The following NDNF variants were observed in gnomAD, a reference collection of about 807,000 sequenced individuals.
NDNF encodes neuron derived neurotrophic factor.
In NDNF, 16 loss-of-function variants were observed where a neutral mutation model predicts 42.0. The ratio of observed to expected loss-of-function variants is 0.38; its 90% CI spans 0.26 to 0.58. The LOEUF is 0.58. Among genes scored for constraint, NDNF ranks in the 20% least tolerant of loss-of-function variants. NDNF has a pLI of 0.67. For synonymous variants in NDNF, 248 were observed against 251.7 expected, an observed-to-expected ratio of 0.99 and a Z score of 0.14; for missense variants, 616 against 666.2, an observed-to-expected ratio of 0.92 and a Z score of 0.83.
chr4:121,036,581 AG>A lies in NDNF; in HGVS notation c.1389del (p.Ser464GlnfsTer7), dbSNP rs760015105. 3.1e-6 allele frequency: 5 copies of A among 1,614,126 alleles called. No homozygotes were observed. Among genetic ancestry groups the A allele is most frequent in the African/African-American group, 1.3e-5 (1 of 75,048 alleles). On this transcript the variant is annotated frameshift_variant, in exon 4 of 4. Transcript: ENST00000379692. LOFTEE classifies it high-confidence loss of function. ...IKAFDKLRTC[S>X]SATVAWLGTQ... The stretch of plus-strand genomic sequence containing the variant: ...GTGCCTAGCCAAGCCACGGTGGCTG[AG>A]GAACAGGTACGGAGCTTGTCAAAGG...
chr4:121,071,510 C>CT (rs1234806235), intron 1 of NDNF: 1 of 152,062 alleles, frequency 6.6e-6, no homozygotes, highest in East Asian at 2.0e-4. Flanking sequence ...GTCCCGCAGA[C>CT]TTTCCCTAGC....
At position 121,036,758 on chromosome 4, in the gene NDNF, G is replaced by T; in HGVS notation, c.1213C>A (p.Gln405Lys). The T allele has an allele frequency of 6.2e-7, 1 of 1,614,126 alleles. No homozygotes were observed. Among genetic ancestry groups the T allele is most frequent in the South Asian group, 1.1e-5 (1 of 91,078 alleles). Reference protein sequence around the residue: ...LLLSQNVEGIQQFQLRGKPKA... With the variant: ...LLLSQNVEGIKQFQLRGKPKA... The stretch of plus-strand genomic sequence containing the variant: ...GGTTTTCCTCTAAGCTGAAACTGCT[G>T]AATGCCTTCCACATTCTGAGACAGA... Residue 405 changes from glutamine to lysine, a missense_variant, in exon 4 of 4, where the codon CAG becomes AAG. Transcript: ENST00000379692.
chr4:121,069,765 A>C (rs1727558554), intron 1 of NDNF, among the ~76,000 whole-genome samples: 1 of 152,240 alleles, frequency 6.6e-6, no homozygotes, highest in South Asian at 2.1e-4. Context: ...GAATTTTTAG[A>C]GAAATCTGAA....
chr4:121,070,292 C>T (rs1464761319), intron 1 of NDNF, among the ~76,000 whole-genome samples: 1 of 152,196 alleles, frequency 6.6e-6, no homozygotes, highest in Non-Finnish European at 1.5e-5. Flanking sequence ...CTCTCGGATC[C>T]ATCCATCACT....
rs1399104065 is a variant in NDNF, at chr4:121,041,679, G to T, written c.189-1625C>A. Among the ~76,000 whole-genome samples the T allele has an allele frequency of 3.3e-5, 5 of 152,172 alleles. No individual in the cohort carries two copies. In the East Asian group the frequency reaches 9.6e-4, roughly 29 times the overall value. On this transcript the variant is annotated intron_variant, in intron 2 of 3. Coordinates refer to ENST00000379692, the MANE Select transcript of NDNF (RefSeq NM_024574.4). ...AGTTTTAAGGAATGATTCGGAGGTG[G>T]TGAAAGTGGAGGTATGGGAAACTAC...
chr4:121,069,932 G>T (rs1024608338), intron 1 of NDNF, among the ~76,000 whole-genome samples: 1 of 152,118 alleles, frequency 6.6e-6, no homozygotes. Flanking sequence ...TGGGAATTGG[G>T]ACCATAATTA....
chr4:121,064,869 C>A (rs141897363), intron 1 of NDNF, among the ~76,000 whole-genome samples: 1 of 152,180 alleles, frequency 6.6e-6, no homozygotes, highest in Admixed American at 6.5e-5. Flanking sequence ...CATTTCAAAT[C>A]TTTTTCTGGT....
chr4:121,042,129 T>C (rs1307036994), intron 2 of NDNF, among the ~76,000 whole-genome samples: 2 of 152,244 alleles, frequency 1.3e-5, no homozygotes, highest in Non-Finnish European at 2.9e-5. Context: ...TTGATTAATG[T>C]CATTTTCCTC....
At position 121,037,804 on chromosome 4, in the gene NDNF, ATATT is replaced by A. The variant is rs1294619797; in HGVS notation, c.314-151_314-148del. 8.6e-6 allele frequency: 5 copies of A among 579,590 alleles called. No individual in the cohort carries two copies. In the East Asian group the frequency reaches 1.4e-4, roughly 17 times the overall value. The allele number at this position is 579,590 out of a possible 1,614,324, so 35.9% of individuals were successfully genotyped here. A position where few individuals can be genotyped will look rare whatever the true frequency, so the allele number is the denominator to read the frequency against. The stretch of plus-strand genomic sequence containing the variant: ...AATATTTATAAATGTATTCAAGATA[ATATT>A]TATTTTGACCATTATACATAATGTT... On this transcript the variant is annotated intron_variant, in intron 3 of 3. Coordinates refer to ENST00000379692, the MANE Select transcript of NDNF (RefSeq NM_024574.4).
At chr4:121,067,709 A>G (rs575672282) in intron 1 of NDNF, among the ~76,000 whole-genome samples, 2 of 152,336 alleles carry the variant, frequency 1.3e-5, no homozygotes, top group East Asian at 3.9e-4. Context: ...TTTATACCAC[A>G]TTGATCAAAT....
intron 1 of NDNF, among the ~76,000 whole-genome samples, chr4:121,055,040 C>T (rs1201073475): frequency 6.6e-6 from 1 of 151,964 alleles, no homozygotes; most frequent in African/African-American, 2.4e-5. Flanking sequence ...TGCCACGTTG[C>T]CCAGGTTGGT....
At chr4:121,057,605 C>G (rs1002701602) in intron 1 of NDNF, among the ~76,000 whole-genome samples, 1 of 152,196 alleles carries the variant, frequency 6.6e-6, no homozygotes, top group African/African-American at 2.4e-5. Context: ...TAGAGGCTCT[C>G]CGGCTCGCCC....
chr4:121,070,511 G>A (rs1193176381), intron 1 of NDNF, among the ~76,000 whole-genome samples: 4 of 152,102 alleles, frequency 2.6e-5, no homozygotes, highest in Admixed American at 2.0e-4. Context: ...AGGAGAGGAG[G>A]AGGTGCGGAG....
At chr4:121,037,792 G>T (rs895338622) in intron 3 of NDNF, 135 bp from the exon 4 acceptor site, 23 of 591,942 alleles carry the variant, frequency 3.9e-5, no homozygotes, top group Non-Finnish European at 6.0e-5. Context: ...ATTTATAAAT[G>T]TATTCAAGAT....
intron 1 of NDNF, among the ~76,000 whole-genome samples, chr4:121,057,278 G>T (rs572565289): frequency 6.6e-6 from 1 of 152,264 alleles, no homozygotes. Context: ...TTCAGCAAGG[G>T]CTCACGTGAA....
intron 1 of NDNF, among the ~76,000 whole-genome samples, chr4:121,049,122 G>C (rs1412525429): frequency 6.6e-6 from 1 of 152,152 alleles, no homozygotes; most frequent in Non-Finnish European, 1.5e-5. Flanking sequence ...CTCCAGTTCA[G>C]CTACTTAACA....
Position 121,037,215 on chromosome 4 carries a change from A to C in NDNF, c.756T>G (p.Phe252Leu), listed in dbSNP as rs762545868. The C allele has an allele frequency of 1.1e-5, 17 of 1,613,952 alleles. No individual in the cohort carries two copies. The South Asian group carries it at 1.9e-4, about 18-fold the overall frequency. The part of the protein sequence containing the change: ...KPGLDFSPFD[F>L]AHFGFPSDNS... ...TATCAGAAGGAAATCCAAAGTGGGC[A>C]AAGTCAAAGGGGCTGAAGTCCAGAC... is the stretch of plus-strand genomic sequence containing the variant. Residue 252 changes from phenylalanine to leucine, a missense_variant, in exon 4 of 4, where the codon TTT (phenylalanine) becomes TTG (leucine). Transcript: ENST00000379692.
intron 2 of NDNF, among the ~76,000 whole-genome samples, chr4:121,041,515 T>C (rs1342823643): frequency 1.3e-5 from 2 of 152,204 alleles, no homozygotes; most frequent in African/African-American, 4.8e-5. Flanking sequence ...TTTCTACCTA[T>C]GCTCACTCCC....
chr4:121,037,145 G>A lies in NDNF; in HGVS notation c.826C>T (p.Leu276=). Residue 276 remains leucine (L), a synonymous_variant, in exon 4 of 4, where the codon CTG becomes TTG. Coordinates refer to ENST00000379692, the MANE Select transcript of NDNF (RefSeq NM_024574.4). ...GGCCTGGAGTAGACATGACGCCCCAGTTTTGGAGAAGGCTTTGCCTGGAAA... is the reference window on the plus strand; with the variant it reads ...GGCCTGGAGTAGACATGACGCCCCAATTTTGGAGAAGGCTTTGCCTGGAAA... ...RSFQAKPSPK[L]GRHVYSRPKV... The A allele has an allele frequency of 6.2e-7, 1 of 1,614,034 alleles. No homozygotes were observed. The highest frequency in any genetic ancestry group is 8.5e-7 in the Non-Finnish European group (1 of 1,180,016).
Sources: gnomAD v4.1 joint callset for allele counts (sites outside exome capture counted in the v4.1 genomes callset) on GRCh38, gnomAD v4.1.1 for gene constraint, MANE v1.5 for transcripts, NCBI Gene and HGNC (gene_info 2026-07-23, HGNC 2026-07-21) for gene names.